The following SPAG16 variants were observed in gnomAD, a reference collection of about 807,000 sequenced individuals.
SPAG16 encodes the protein sperm associated antigen 16.
Under a neutral mutation model 80.4 loss-of-function variants are expected in SPAG16, and 86 were observed. The observed-to-expected ratio is 1.07, with a 90% CI of 0.90 to 1.28. The LOEUF (loss-of-function observed/expected upper bound fraction) is 1.28, where lower values mean the gene tolerates loss of function less well. SPAG16 is among the 50% of genes most tolerant of loss of function. The pLI, the probability that SPAG16 is intolerant of heterozygous loss-of-function variation, is 0.00. For missense variants in SPAG16, 870 were observed against 765.3 expected (o/e 1.14, Z -1.61); for synonymous variants, 294 against 265.9 (o/e 1.11, Z -1.03).
chr2:214,173,038 T>G (rs1180185405), intron 15 of SPAG16, among the ~76,000 whole-genome samples: 5 of 150,802 alleles, frequency 3.3e-5, no homozygotes, highest in Non-Finnish European at 4.5e-5. Flanking sequence ...TTTCTCCCAT[T>G]TTGTAGGTTG....
chr2:214,195,133 A>C (rs951749113), intron 15 of SPAG16, among the ~76,000 whole-genome samples: 1 of 152,080 alleles, frequency 6.6e-6, no homozygotes, highest in African/African-American at 2.4e-5. Context: ...AAATAAAAGG[A>C]ATAGTCTGCC....
intron 2 of SPAG16, 162 bp from the exon 3 acceptor site, chr2:213,297,100 A>G: frequency 6.8e-7 from 1 of 1,472,662 alleles, no homozygotes; most frequent in Non-Finnish European, 9.0e-7. Context: ...AGTCAGAAGA[A>G]AGCAGTTATT....
At chr2:213,709,707 A>G (rs1251164250) in intron 10 of SPAG16, among the ~76,000 whole-genome samples, 6 of 152,118 alleles carry the variant, frequency 3.9e-5, no homozygotes, top group Admixed American at 2.0e-4. Context: ...CATGGAGAAT[A>G]TAGTTCTTTT....
At chr2:213,768,250 A>G (rs2069049943) in intron 10 of SPAG16, among the ~76,000 whole-genome samples, 1 of 152,150 alleles carries the variant, frequency 6.6e-6, no homozygotes, top group Non-Finnish European at 1.5e-5. Context: ...AGAGATAAGA[A>G]TGCAATAAAG....
chr2:214,347,506 G>A (rs1391530076), intron 15 of SPAG16, among the ~76,000 whole-genome samples: 1 of 152,120 alleles, frequency 6.6e-6, no homozygotes, highest in African/African-American at 2.4e-5. Context: ...AGGGCTGAAA[G>A]TTTCTTTATT....
chr2:214,094,585 A>G (rs1299188001), intron 13 of SPAG16, among the ~76,000 whole-genome samples: 2 of 152,100 alleles, frequency 1.3e-5, no homozygotes, highest in Non-Finnish European at 1.5e-5. Context: ...TTTGTTTTCT[A>G]ATTTATAATA....
At chr2:214,392,536 GGAGGTA>G (rs1701148665) in intron 15 of SPAG16, among the ~76,000 whole-genome samples, 1 of 152,022 alleles carries the variant, frequency 6.6e-6, no homozygotes. Context: ...CCCTTGTTTG[GGAGGTA>G]GAGTCTTTAA....
At chr2:214,292,206 G>C (rs191568305) in intron 15 of SPAG16, among the ~76,000 whole-genome samples, 17 of 152,220 alleles carry the variant, frequency 1.1e-4, no homozygotes, top group Admixed American at 3.9e-4. Flanking sequence ...TTAGATGGTT[G>C]GACTATAATA....
intron 14 of SPAG16, among the ~76,000 whole-genome samples, chr2:214,137,031 G>A (rs888877574): frequency 2.0e-5 from 3 of 152,144 alleles, no homozygotes; most frequent in African/African-American, 7.2e-5. Flanking sequence ...ATAAAAATTA[G>A]ATCACTTGAC....
chr2:213,642,014 A>G (rs868583677), intron 10 of SPAG16, among the ~76,000 whole-genome samples: 9 of 152,170 alleles, frequency 5.9e-5, no homozygotes, highest in African/African-American at 1.7e-4. Flanking sequence ...ACTTGATCCA[A>G]TCACCTCCTT....
chr2:213,610,892 C>A (rs1213439634), intron 10 of SPAG16, among the ~76,000 whole-genome samples: 1 of 152,290 alleles, frequency 6.6e-6, no homozygotes, highest in African/African-American at 2.4e-5. Context: ...AATTAGGAAT[C>A]TCTTTGTTCT....
rs1384182441 is a variant in SPAG16, at chr2:213,677,697, TAGAC to T, written c.1071-184784_1071-184781del. On this transcript the variant is annotated intron_variant, in intron 10 of 15. Transcript: ENST00000331683. The stretch of plus-strand genomic sequence containing the variant: ...GCCTTTGACACCCCACTGTCAACGT[TAGAC>T]AGATCAACGAGACAAAAGGTCAACA... Among the ~76,000 whole-genome samples, 3 of 152,284 alleles carry T rather than the reference TAGAC, an allele frequency of 2.0e-5. No individual in the cohort carries two copies. In the East Asian group the frequency reaches 5.8e-4, roughly 29 times the overall value.
chr2:214,223,216 G>C (rs1285915846), intron 15 of SPAG16, among the ~76,000 whole-genome samples: 4 of 152,064 alleles, frequency 2.6e-5, no homozygotes, highest in African/African-American at 7.2e-5. Context: ...AAAAATGAAA[G>C]TTCTTGAGAA....
At chr2:214,299,967 T>C (rs991262903) in intron 15 of SPAG16, among the ~76,000 whole-genome samples, 1 of 152,200 alleles carries the variant, frequency 6.6e-6, no homozygotes, top group African/African-American at 2.4e-5. Context: ...AAGGGACTTT[T>C]ATCAACTTTA....
intron 8 of SPAG16, among the ~76,000 whole-genome samples, chr2:213,369,521 T>C (rs555434003): frequency 1.3e-5 from 2 of 152,260 alleles, no homozygotes; most frequent in Admixed American, 1.3e-4. Flanking sequence ...ACAATTACAG[T>C]GCATAATTTA....
chr2:213,976,685 T>C (rs1001430528), intron 12 of SPAG16, among the ~76,000 whole-genome samples: 3 of 151,908 alleles, frequency 2.0e-5, no homozygotes, highest in African/African-American at 7.2e-5. Context: ...TTGGGGCCCA[T>C]ATGAAAGGCT....
intron 12 of SPAG16, among the ~76,000 whole-genome samples, chr2:214,002,742 A>T (rs1406783133): frequency 6.6e-6 from 1 of 152,180 alleles, no homozygotes; most frequent in Non-Finnish European, 1.5e-5. Context: ...GATGTCCCAG[A>T]TTGAGCAAAG....
chr2:213,876,212 G>A (rs942885121), intron 11 of SPAG16, among the ~76,000 whole-genome samples: 1 of 150,554 alleles, frequency 6.6e-6, no homozygotes, highest in South Asian at 2.1e-4. Context: ...TTGAAATGTA[G>A]GTACATAACT....
chr2:213,861,487 AATC>A (rs1401599139), intron 10 of SPAG16, among the ~76,000 whole-genome samples: 1 of 152,166 alleles, frequency 6.6e-6, no homozygotes, highest in African/African-American at 2.4e-5. Context: ...CTGTTTTTTA[AATC>A]ATCATATGTC....
Sources: allele counts gnomAD v4.1 joint callset (sites outside exome capture counted in the v4.1 genomes callset), GRCh38; gene constraint gnomAD v4.1.1; transcripts MANE v1.5; gene names NCBI Gene and HGNC (gene_info 2026-07-23, HGNC 2026-07-21).